The following EBF1 variants were observed in gnomAD, a reference collection of about 807,000 sequenced individuals.
EBF1 encodes transcription factor COE1.
A neutral mutation model predicts 68.4 loss-of-function variants in EBF1; 10 were observed. The observed-to-expected ratio is 0.15, with a 90% confidence interval of 0.09 to 0.25. EBF1 has a LOEUF of 0.25. EBF1 is among the 10% of genes least tolerant of loss of function. The pLI is 1.00. For missense variants in EBF1, 509 were observed against 794.4 expected, an observed-to-expected ratio of 0.64 and a Z score of 4.32; for synonymous variants, 298 against 299.8, an observed-to-expected ratio of 0.99 and a Z score of 0.06.
chr5:158,750,486 T>C (rs1457235187), intron 10 of EBF1, among the ~76,000 whole-genome samples: 2 of 152,092 alleles, frequency 1.3e-5, no homozygotes, highest in Non-Finnish European at 2.9e-5. Context: ...CCAAAATGAA[T>C]CTAGTTTGCA....
chr5:158,763,100 C>A (rs1771852287), intron 10 of EBF1, among the ~76,000 whole-genome samples: 1 of 152,074 alleles, frequency 6.6e-6, no homozygotes, highest in African/African-American at 2.4e-5. Context: ...GCCTCTAAAC[C>A]CACTAAGCAG....
At chr5:159,047,073 G>C (rs904613687) in intron 6 of EBF1, among the ~76,000 whole-genome samples, 37 of 152,228 alleles carry the variant, frequency 2.4e-4, no homozygotes, top group African/African-American at 8.9e-4. Flanking sequence ...TGAGTACTGA[G>C]TGTCAGGAGG....
intron 10 of EBF1, among the ~76,000 whole-genome samples, chr5:158,742,764 G>A (rs950664866): frequency 2.6e-5 from 4 of 152,108 alleles, no homozygotes; most frequent in Non-Finnish European, 4.4e-5. Context: ...TACCACCTCT[G>A]GTTCTCAAAT....
intron 6 of EBF1, among the ~76,000 whole-genome samples, chr5:158,905,106 A>G (rs564736655): frequency 6.6e-6 from 1 of 152,326 alleles, no homozygotes; most frequent in East Asian, 1.9e-4. Flanking sequence ...GCTAGCAGAA[A>G]ACTTTAACTG....
At chr5:158,929,377 A>G (rs556942675) in intron 6 of EBF1, among the ~76,000 whole-genome samples, 3 of 152,348 alleles carry the variant, frequency 2.0e-5, no homozygotes, top group Middle Eastern at 3.4e-3. Flanking sequence ...AAGAAATGGT[A>G]TATTTCTACA....
At chr5:158,712,715 C>T (rs1759680953) in intron 13 of EBF1, among the ~76,000 whole-genome samples, 1 of 152,082 alleles carries the variant, frequency 6.6e-6, no homozygotes, top group Non-Finnish European at 1.5e-5. Context: ...TCTCTGTGAT[C>T]TGTCATTCAT....
At chr5:159,010,866 G>A (rs964294009) in intron 6 of EBF1, among the ~76,000 whole-genome samples, 1 of 152,248 alleles carries the variant, frequency 6.6e-6, no homozygotes, top group African/African-American at 2.4e-5. Context: ...ATACCAAGGG[G>A]AAATCATAAA....
chr5:158,887,662 G>T (rs1411391029), intron 6 of EBF1, among the ~76,000 whole-genome samples: 6 of 152,130 alleles, frequency 3.9e-5, no homozygotes, highest in African/African-American at 1.4e-4. Flanking sequence ...TCACGGTCAG[G>T]TTCCACCTGC....
At chr5:158,753,631 G>A (rs188579188) in intron 10 of EBF1, among the ~76,000 whole-genome samples, 2 of 152,208 alleles carry the variant, frequency 1.3e-5, no homozygotes, top group Admixed American at 6.5e-5. Context: ...AAAACTTTGA[G>A]TGAATGCACT....
chr5:158,839,162 T>C (rs1789587551), intron 7 of EBF1, among the ~76,000 whole-genome samples: 1 of 152,248 alleles, frequency 6.6e-6, no homozygotes, highest in Admixed American at 6.5e-5. Flanking sequence ...CTTCCTTTAG[T>C]AAATGTATAA....
At chr5:158,879,452 C>G (rs1421273502) in intron 6 of EBF1, among the ~76,000 whole-genome samples, 1 of 152,088 alleles carries the variant, frequency 6.6e-6, no homozygotes. Context: ...AAAAGAAAGG[C>G]ACAGAGCAAA....
At chr5:158,818,187 AG>A (rs1184235924) in intron 8 of EBF1, among the ~76,000 whole-genome samples, 7 of 152,198 alleles carry the variant, frequency 4.6e-5, no homozygotes, top group Non-Finnish European at 7.3e-5. Flanking sequence ...TCCTCTTGTT[AG>A]GACCATATTA....
chr5:158,990,645 C>A (rs1561726021), intron 6 of EBF1, among the ~76,000 whole-genome samples: 3 of 152,182 alleles, frequency 2.0e-5, no homozygotes, highest in Non-Finnish European at 1.5e-5. Context: ...CAAGTAAAAA[C>A]CAGCTGTGTG....
At chr5:158,886,253 T>G (rs140195148) in intron 6 of EBF1, among the ~76,000 whole-genome samples, 1,649 of 152,332 alleles carry the variant, frequency 0.011, 26 homozygotes, top group African/African-American at 0.037. Flanking sequence ...AAACCACAAG[T>G]TTTACAAACC....
At chr5:158,759,242 A>T (rs567564297) in intron 10 of EBF1, among the ~76,000 whole-genome samples, 3 of 152,242 alleles carry the variant, frequency 2.0e-5, no homozygotes, top group African/African-American at 7.2e-5. Context: ...TGATAGTTAG[A>T]TGTCTTATTC....
chr5:158,713,061 G>A lies in EBF1; in HGVS notation c.1278C>T (p.Asn426=). ...CCATCATCCCTGCGTGGACCGAGGT[G>A]TTAGCAAGGGCCGGGAGTTGGTTGT... is the stretch of plus-strand genomic sequence containing the variant. The part of the protein sequence containing the change: ...RNHNQLPALA[N]TSVHAGMMGV... Residue 426 remains asparagine, a synonymous_variant, in exon 13 of 16, where the codon AAC becomes AAT. Coordinates refer to ENST00000313708, the MANE Select transcript of EBF1 (RefSeq NM_024007.5). The A allele has an allele frequency of 6.3e-7, 1 of 1,599,928 alleles. No individual in the cohort carries two copies. The highest frequency in any genetic ancestry group is 1.1e-5 in the South Asian group (1 of 88,704).
At chr5:159,050,514 G>A (rs17056488) in intron 6 of EBF1, among the ~76,000 whole-genome samples, 3,966 of 152,262 alleles carry the variant, frequency 0.026, 175 homozygotes, top group African/African-American at 0.089. Flanking sequence ...CTTGACTTTA[G>A]TGACTTGGCC....
At chr5:158,800,265 A>T (rs1414513423) in intron 8 of EBF1, among the ~76,000 whole-genome samples, 5 of 152,208 alleles carry the variant, frequency 3.3e-5, no homozygotes, top group African/African-American at 1.2e-4. Flanking sequence ...GTTGATTTTT[A>T]AATGATATAT....
At chr5:158,919,338 G>A (rs1470070385) in intron 6 of EBF1, among the ~76,000 whole-genome samples, 2 of 152,076 alleles carry the variant, frequency 1.3e-5, no homozygotes, top group East Asian at 3.8e-4. Context: ...GTAGCCAGAG[G>A]AGAAAATCCC....
Sources: allele counts gnomAD v4.1 joint callset (sites outside exome capture counted in the v4.1 genomes callset), GRCh38; gene constraint gnomAD v4.1.1; transcripts MANE v1.5; gene names NCBI Gene and HGNC (gene_info 2026-07-23, HGNC 2026-07-21).